USP8: variants seen among roughly 807,000 people sequenced by gnomAD.
USP8 encodes the protein ubiquitin carboxyl-terminal hydrolase 8.
In USP8, 27 loss-of-function variants were observed where a neutral mutation model predicts 130.0. The observed-to-expected ratio is 0.21, with a 90% CI of 0.15 to 0.29. The LOEUF (loss-of-function observed/expected upper bound fraction) is 0.29, where lower values mean the gene tolerates loss of function less well. Among genes scored for constraint, USP8 ranks in the 10% least tolerant of loss-of-function variants. The pLI, the probability that USP8 is intolerant of heterozygous loss-of-function variation, is 1.00. For synonymous variants in USP8, 392 were observed against 444.1 expected, an observed-to-expected ratio of 0.88 and a Z score of 1.48; for missense variants, 1,029 against 1,312.2, an observed-to-expected ratio of 0.78 and a Z score of 3.33.
chr15:50,474,796 T>C (rs1435701695), intron 8 of USP8, among the ~76,000 whole-genome samples: 1 of 152,152 alleles, frequency 6.6e-6, no homozygotes, highest in African/African-American at 2.4e-5. Flanking sequence ...CAAATCAAGA[T>C]GTCATAAAGG....
intron 4 of USP8, among the ~76,000 whole-genome samples, chr15:50,455,725 C>A (rs377404570): frequency 1.5e-4 from 23 of 152,184 alleles, no homozygotes; most frequent in African/African-American, 5.1e-4. Flanking sequence ...TATACTCAAA[C>A]GTTAAGTTTT....
rs149466075 is a variant in USP8 at position 50,492,543 on chromosome 15, A to G, written c.2235-158A>G. Among the ~76,000 whole-genome samples the G allele has an allele frequency of 3.2e-3, 481 of 152,282 alleles. 2 individuals carry two copies. The highest frequency in any genetic ancestry group is 0.011 in the African/African-American group (470 of 41,544). On this transcript the variant is annotated intron_variant, in intron 14 of 19. Transcript: ENST00000307179. ...TATGACTAATGTTAACCTAAATATT[A>G]AATGTCCTGGAAGGCCCAGCATCTT...
intron 19 of USP8, 84 bp from the exon 20 acceptor site, chr15:50,498,816 GAAC>G (rs1265270660): frequency 1.3e-6 from 2 of 1,548,334 alleles, no homozygotes; most frequent in East Asian, 2.3e-5. Context: ...GGAAGAGTAA[GAAC>G]AACATAAAGC....
intron 8 of USP8, among the ~76,000 whole-genome samples, chr15:50,474,203 A>G (rs772128865): frequency 6.6e-5 from 10 of 151,804 alleles, no homozygotes; most frequent in South Asian, 2.1e-4. Context: ...AGATTTCACT[A>G]TGTTGCCCAG....
intron 6 of USP8, 60 bp downstream of exon 6, chr15:50,462,382 A>T: frequency 6.9e-7 from 1 of 1,455,714 alleles, no homozygotes; most frequent in Non-Finnish European, 9.3e-7. Context: ...TTTAATCAGA[A>T]TAAGCATCAG....
chr15:50,485,306 C>T (rs529604146), intron 12 of USP8, among the ~76,000 whole-genome samples: 2 of 151,568 alleles, frequency 1.3e-5, no homozygotes, highest in Non-Finnish European at 2.9e-5. Flanking sequence ...AAAAATTAGC[C>T]GGGCGTGGTG....
chr15:50,482,035 A>G lies in USP8; in HGVS notation c.1773A>G (p.Thr591=), dbSNP rs370736010. 6 of 1,527,774 alleles carry G rather than the reference A, an allele frequency of 3.9e-6. No homozygotes were observed. In the African/African-American group the frequency reaches 5.7e-5, roughly 14 times the overall value. The allele number at this position is 1,527,774 out of a possible 1,614,324, so 94.6% of individuals were successfully genotyped here. ...QKKSTGDVPH[T]SVTGDSGSGK... ...AGTCAACAGGAGATGTGCCCCATAC[A>G]TCTGTGACAGGGGATTCAGGTTCAG... The change falls in exon 11 of 20, where the codon ACA becomes ACG. Residue 591 remains threonine (T), a synonymous_variant. Transcript: ENST00000307179.
At position 50,504,509 on chromosome 15, in the gene USP8, T is replaced by A. The variant is rs1185551556; in HGVS notation, c.*5421T>A. On this transcript the variant is annotated 3_prime_UTR_variant, in exon 20 of 20. Coordinates refer to ENST00000307179, the MANE Select transcript of USP8 (RefSeq NM_005154.5). ...ACTGCTCTCCAGCCTGGCAACAGAA[T>A]GAGACCTTGTCTCAAAAAACAAAAA... 2 of 152,248 alleles carry A rather than the reference T, an allele frequency of 1.3e-5. No individual in the cohort carries two copies. The highest frequency in any genetic ancestry group is 2.9e-5 in the Non-Finnish European group (2 of 68,126). 9.4% of individuals were successfully genotyped at this position (152,248 alleles called of 1,614,324 possible). A position where few individuals can be genotyped will look rare whatever the true frequency, so the allele number is the denominator to read the frequency against.
intron 3 of USP8, among the ~76,000 whole-genome samples, chr15:50,446,006 ATG>A (rs1477322917): frequency 6.6e-6 from 1 of 152,186 alleles, no homozygotes; most frequent in Non-Finnish European, 1.5e-5. Flanking sequence ...GGGAAAGAAA[ATG>A]TATTGAAAAT....
chr15:50,435,852 C>G (rs1239755216), intron 1 of USP8, among the ~76,000 whole-genome samples: 1 of 152,146 alleles, frequency 6.6e-6, no homozygotes, highest in Non-Finnish European at 1.5e-5. Flanking sequence ...GAAACCCTTC[C>G]TAAAATCTTT....
At chr15:50,433,213 G>A (rs28376390) in intron 1 of USP8, among the ~76,000 whole-genome samples, 2,446 of 151,070 alleles carry the variant, frequency 0.016, 82 homozygotes, top group African/African-American at 0.058. Flanking sequence ...CAGCTTGGGC[G>A]ACAGAGTGAG....
intron 10 of USP8, among the ~76,000 whole-genome samples, chr15:50,479,270 C>T (rs1194744400): frequency 6.6e-6 from 1 of 152,054 alleles, no homozygotes; most frequent in Non-Finnish European, 1.5e-5. Flanking sequence ...TTTATCTGGG[C>T]TTTAAGAGTA....
At chr15:50,441,047 A>G (rs2050242516) in intron 2 of USP8, among the ~76,000 whole-genome samples, 1 of 151,548 alleles carries the variant, frequency 6.6e-6, no homozygotes, top group South Asian at 2.1e-4. Flanking sequence ...TCACATGTGC[A>G]GTTCACAATA....
intron 14 of USP8, among the ~76,000 whole-genome samples, chr15:50,491,249 A>T (rs2052149760): frequency 6.6e-6 from 1 of 152,174 alleles, no homozygotes; most frequent in Admixed American, 6.5e-5. Context: ...CCCATTTATT[A>T]TACACTTGTA....
At chr15:50,476,752 T>C in intron 8 of USP8, 97 bp from the exon 9 acceptor site, 2 of 1,315,898 alleles carry the variant, frequency 1.5e-6, no homozygotes, top group Non-Finnish European at 2.0e-6. Context: ...AAGATAAATT[T>C]TGTCCTTAAG....
At position 50,433,807 on chromosome 15, in the gene USP8, G is replaced by T. The variant is rs184098171; in HGVS notation, c.-65-5202G>T. ...TTTTTAGTAGAGACGGGGTTTCACCGTGTTAGCCAGGATGGTCTTGATCTC... is the reference window on the plus strand; with the variant it reads ...TTTTTAGTAGAGACGGGGTTTCACCTTGTTAGCCAGGATGGTCTTGATCTC... On this transcript the variant is annotated intron_variant, in intron 1 of 19. Coordinates refer to ENST00000307179, the MANE Select transcript of USP8 (RefSeq NM_005154.5). 4.0e-3 allele frequency among the ~76,000 whole-genome samples: 601 copies of T among 152,104 alleles called. 5 individuals carry two copies. Among genetic ancestry groups the T allele is most frequent in the African/African-American group, 0.014 (567 of 41,516 alleles).
In USP8 at chr15:50,500,745, G is replaced by T; in HGVS notation, c.*1657G>T. The T allele has an allele frequency of 6.4e-7, 1 of 1,571,006 alleles. No individual in the cohort carries two copies. Among genetic ancestry groups the T allele is most frequent in the South Asian group, 1.2e-5 (1 of 85,386 alleles). On this transcript the variant is annotated 3_prime_UTR_variant, in exon 20 of 20. Coordinates refer to ENST00000307179, the MANE Select transcript of USP8 (RefSeq NM_005154.5). ...GAACAGAAGTATCTGGAATCTCACT[G>T]ACTCGTGTGTTATCAAAGCTATATC...
intron 4 of USP8, among the ~76,000 whole-genome samples, chr15:50,453,154 T>G (rs2050678169): frequency 6.6e-6 from 1 of 152,260 alleles, no homozygotes; most frequent in Non-Finnish European, 1.5e-5. Flanking sequence ...GCTGGAGATT[T>G]GAGAATCCAT....
chr15:50,505,448 TAA>T lies in USP8; in HGVS notation c.*6362_*6363del, dbSNP rs1339841456. ...TTATCATCCAAGAATGAAAGTGAAT[TAA>T]AGACTTCTCAAAGACTGAGAGACTT... On this transcript the variant is annotated 3_prime_UTR_variant, in exon 20 of 20. Coordinates refer to ENST00000307179, the MANE Select transcript of USP8 (RefSeq NM_005154.5). 4 of 152,126 alleles carry T rather than the reference TAA, an allele frequency of 2.6e-5. No homozygotes were observed. Among genetic ancestry groups the T allele is most frequent in the Non-Finnish European group, 5.9e-5 (4 of 68,022 alleles). 9.4% of individuals were successfully genotyped at this position (152,126 alleles called of 1,614,324 possible). A position where few individuals can be genotyped will look rare whatever the true frequency, so the allele number is the denominator to read the frequency against.
Sources: gnomAD v4.1 joint callset for allele counts (sites outside exome capture counted in the v4.1 genomes callset) on GRCh38, gnomAD v4.1.1 for gene constraint, MANE v1.5 for transcripts, NCBI Gene and HGNC (gene_info 2026-07-23, HGNC 2026-07-21) for gene names.